AXL: variants seen among roughly 807,000 people sequenced by gnomAD.
AXL encodes AXL receptor tyrosine kinase.
AXL carries 52 observed loss-of-function variants against 104.5 expected under a neutral mutation model. The ratio of observed to expected loss-of-function variants is 0.50; its 90% CI spans 0.40 to 0.63. The LOEUF is 0.63. Ranked by LOEUF, AXL falls within the 20% of genes least tolerant of loss-of-function variation. The pLI, the probability that AXL is intolerant of heterozygous loss-of-function variation, is 0.00. For synonymous variants in AXL, 455 were observed against 473.7 expected (o/e 0.96, Z 0.51); for missense variants, 1,024 against 1,188.5 (o/e 0.86, Z 2.04).
chr19:41,226,783 G>T (rs73043273), intron 4 of AXL: 122,159 of 985,572 alleles, frequency 0.12, 8,166 homozygotes, highest in Non-Finnish European at 0.14. Flanking sequence ...ACGCAGAACT[G>T]CAGTCGCACT....
At chr19:41,221,837 G>A (rs762508058) in intron 3 of AXL, 43 bp from the exon 4 acceptor site, 1 of 1,596,068 alleles carries the variant, frequency 6.3e-7, no homozygotes, top group Admixed American at 1.8e-5. Context: ...GCATCTTGGG[G>A]CCTCAGAGGG....
chr19:41,256,512 T>C lies in AXL; in HGVS notation c.2097T>C (p.Asn699=). Residue 699 remains asparagine (N), a synonymous_variant, in exon 18 of 20, where the codon AAT becomes AAC. Transcript: ENST00000301178. ...TCGGGCTCTCCAAGAAGATCTACAA[T>C]GGGGACTACTACCGCCAGGGACGTA... is the stretch of plus-strand genomic sequence containing the variant. ...ADFGLSKKIY[N]GDYYRQGRIA... 1.2e-6 allele frequency: 2 copies of C among 1,614,126 alleles called. No homozygotes were observed. The highest frequency in any genetic ancestry group is 1.7e-6 in the Non-Finnish European group (2 of 1,180,016).
chr19:41,243,364 G>A (rs997450711), intron 11 of AXL, among the ~76,000 whole-genome samples: 2 of 152,296 alleles, frequency 1.3e-5, no homozygotes, highest in East Asian at 1.9e-4. Flanking sequence ...AGGCTACAGT[G>A]AGCTGAGATC....
At chr19:41,222,203 G>A in intron 4 of AXL, 147 bp downstream of exon 4, 1 of 902,934 alleles carries the variant, frequency 1.1e-6, no homozygotes, top group South Asian at 1.9e-5. Context: ...CTCTGAGTCT[G>A]TCTCTGCCTC....
Position 41,219,492 on chromosome 19 carries a change from C to A in AXL, c.85+15C>A. The A allele has an allele frequency of 6.3e-7, 1 of 1,592,540 alleles. No individual in the cohort carries two copies. The highest frequency in any genetic ancestry group is 8.5e-7 in the Non-Finnish European group (1 of 1,170,064). On this transcript the variant is annotated intron_variant, in intron 1 of 19. Coordinates refer to ENST00000301178, the MANE Select transcript of AXL (RefSeq NM_021913.5). ...GGCCCCCAGGGGTGAGTGATGGGGG[C>A]TCCTTGGGGCAGGGATCCCCTCGGA...
chr19:41,241,950 A>G (rs2034189918), intron 10 of AXL, among the ~76,000 whole-genome samples: 1 of 152,184 alleles, frequency 6.6e-6, no homozygotes, highest in Non-Finnish European at 1.5e-5. Context: ...TTCATGCACC[A>G]TCCTACACTG....
intron 3 of AXL, chr19:41,221,581 C>T: frequency 2.0e-6 from 1 of 501,404 alleles, no homozygotes; most frequent in Non-Finnish European, 3.5e-6. Flanking sequence ...CCCCTGTCCC[C>T]ACGACCCCAG....
In AXL at chr19:41,235,351, C is replaced by CAAAT. The variant is rs565411984; in HGVS notation, c.784-2575_784-2572dup. Among the ~76,000 whole-genome samples the CAAAT allele has an allele frequency of 5.3e-4, 59 of 112,354 alleles. 1 individual carries two copies. The highest frequency in any genetic ancestry group is 2.7e-3 in the Admixed American group (28 of 10,386). The allele number at this position is 112,354 out of a possible 152,430, so 73.7% of individuals were successfully genotyped here. On this transcript the variant is annotated intron_variant, in intron 6 of 19. Coordinates refer to ENST00000301178, the MANE Select transcript of AXL (RefSeq NM_021913.5). ...GGGCAACAAGAGCGAAACTCCATCT[C>CAAAT]AAATAAATAAATAAATAAATAGATA...
chr19:41,223,968 T>G (rs1030846523), intron 4 of AXL, among the ~76,000 whole-genome samples: 2 of 136,130 alleles, frequency 1.5e-5, no homozygotes. Flanking sequence ...GTCCCATGTG[T>G]GGTGTGTGTG....
intron 4 of AXL, among the ~76,000 whole-genome samples, chr19:41,223,428 AG>A (rs1174928189): frequency 6.6e-6 from 1 of 152,190 alleles, no homozygotes; most frequent in Admixed American, 6.5e-5. Context: ...TGCAGTGGTC[AG>A]GGGCATCACT....
At position 41,259,632 on chromosome 19, in the gene AXL, A is replaced by G; in HGVS notation, c.2413A>G (p.Asn805Asp). The G allele has an allele frequency of 6.2e-7, 1 of 1,613,892 alleles. No homozygotes were observed. The highest frequency in any genetic ancestry group is 8.5e-7 in the Non-Finnish European group (1 of 1,179,952). ...SFTELREDLE[N>D]TLKALPPAQE... ...TACAGAGCTGCGGGAAGATTTGGAG[A>G]ACACACTGAAGGCCTTGCCTCCTGC... Residue 805 changes from asparagine to aspartate, a missense_variant, in exon 20 of 20, where the codon AAC becomes GAC. Coordinates refer to ENST00000301178, the MANE Select transcript of AXL (RefSeq NM_021913.5).
At chr19:41,237,702 A>G (rs2034104676) in intron 6 of AXL, among the ~76,000 whole-genome samples, 1 of 152,222 alleles carries the variant, frequency 6.6e-6, no homozygotes, top group South Asian at 2.1e-4. Context: ...ACTGAGGCTC[A>G]GAGAGGGAAG....
intron 4 of AXL, among the ~76,000 whole-genome samples, chr19:41,225,944 C>G (rs1018610915): frequency 2.0e-5 from 3 of 152,172 alleles, no homozygotes; most frequent in African/African-American, 7.2e-5. Context: ...CTCTCATTCT[C>G]TGGAAAAGCT....
intron 4 of AXL, among the ~76,000 whole-genome samples, chr19:41,228,956 CT>C (rs36016970): frequency 7.4e-5 from 11 of 148,726 alleles, no homozygotes; most frequent in Non-Finnish European, 7.4e-5. Context: ...TCTTTTCTTT[CT>C]TTTTTTTTTG....
intron 12 of AXL, 58 bp from the exon 13 acceptor site, chr19:41,248,456 A>G: frequency 1.3e-6 from 2 of 1,516,558 alleles, no homozygotes; most frequent in Non-Finnish European, 9.2e-7. Context: ...TGGTGGGTGA[A>G]TGTCACCTGA....
In AXL at chr19:41,253,684, G is replaced by A. The variant is rs1345126131; in HGVS notation, c.2012G>A (p.Arg671Gln). Reference sequence around the variant, plus strand: ...CTGAGTACCAAGAGATTCATACACCGGGACCTGGCGGCCAGGAACTGCATG... The same window carrying A: ...CTGAGTACCAAGAGATTCATACACCAGGACCTGGCGGCCAGGAACTGCATG... ...EYLSTKRFIH[R>Q]DLAARNCMLN... is the part of the protein sequence containing the mutation. The change falls in exon 17 of 20, where the codon CGG becomes CAG. Residue 671 changes from arginine (R) to glutamine (Q), a missense_variant. This residue lies in a region of AXL where 523 missense variants were observed against 636.0 expected (regional missense o/e 0.82). Transcript: ENST00000301178. 7.4e-6 allele frequency: 12 copies of A among 1,613,234 alleles called. No homozygotes were observed. The highest frequency in any genetic ancestry group is 4.5e-5 in the East Asian group (2 of 44,822).
chr19:41,221,847 G>C (rs766308143), intron 3 of AXL, 33 bp from the exon 4 acceptor site: 2 of 1,605,946 alleles, frequency 1.2e-6, no homozygotes, highest in Non-Finnish European at 1.7e-6. Context: ...GCCTCAGAGG[G>C]ACCCCAGCCT....
intron 4 of AXL, among the ~76,000 whole-genome samples, chr19:41,222,606 G>A (rs2033811220): frequency 6.6e-6 from 1 of 152,186 alleles, no homozygotes; most frequent in African/African-American, 2.4e-5. Flanking sequence ...GAGAGAGCAG[G>A]AAGAAAGTAG....
Position 41,257,521 on chromosome 19 carries a change from T to C in AXL, c.2225T>C (p.Ile742Thr), listed in dbSNP as rs368437223. The change falls in exon 19 of 20, where the codon ATT becomes ACT. Residue 742 changes from isoleucine to threonine, a missense_variant. Around this residue, in one of 5 missense-constraint regions of AXL, gnomAD observed 523 missense variants for 636.0 expected, o/e 0.82. Coordinates refer to ENST00000301178, the MANE Select transcript of AXL (RefSeq NM_021913.5). ...TCCTTCGGGGTGACAATGTGGGAGA[T>C]TGCCACAAGAGGCCAAACCCCATAT... Reference protein sequence around the residue: ...VWSFGVTMWEIATRGQTPYPG... With the variant: ...VWSFGVTMWETATRGQTPYPG... 5 of 1,613,978 alleles carry C rather than the reference T, an allele frequency of 3.1e-6. No individual in the cohort carries two copies. The African/African-American group carries it at 5.3e-5, about 17-fold the overall frequency.
Sources: gnomAD v4.1 joint callset for allele counts (sites outside exome capture counted in the v4.1 genomes callset) on GRCh38, gnomAD v4.1.1 for gene constraint, gnomAD v4.1.1 regional missense constraint, MANE v1.5 for transcripts, NCBI Gene and HGNC (gene_info 2026-07-23, HGNC 2026-07-21) for gene names.